ME3: variants seen among roughly 807,000 people sequenced by gnomAD.
The protein encoded by ME3 is NADP-dependent malic enzyme, mitochondrial.
ME3 carries 48 observed loss-of-function variants against 68.9 expected under a neutral mutation model. The ratio of observed to expected loss-of-function variants is 0.70; its 90% CI spans 0.55 to 0.89. The LOEUF (loss-of-function observed/expected upper bound fraction) is 0.89. ME3 is among the 40% of genes least tolerant of loss of function. The pLI, the probability that ME3 is intolerant of heterozygous loss-of-function variation, is 0.00. For missense variants in ME3, 675 were observed against 797.4 expected, an observed-to-expected ratio of 0.85 and a Z score of 1.85; for synonymous variants, 320 against 318.8, an observed-to-expected ratio of 1.00 and a Z score of -0.04.
At chr11:86,496,652 A>C (rs937548493) in intron 6 of ME3, among the ~76,000 whole-genome samples, 13 of 152,216 alleles carry the variant, frequency 8.5e-5, no homozygotes, top group Non-Finnish European at 1.8e-4. Flanking sequence ...TCATCTGCAA[A>C]AATGGGTACC....
chr11:86,450,351 T>G, exon 9 of ME3: 1 of 1,614,132 alleles, frequency 6.2e-7, no homozygotes, highest in Non-Finnish European at 8.5e-7. Flanking sequence ...TTGTTCTTGG[T>G]GATTCGCAGA....
intron 8 of ME3, among the ~76,000 whole-genome samples, chr11:86,454,900 A>G (rs1563682): frequency 0.7 from 106,391 of 152,180 alleles, 37,533 homozygotes; most frequent in South Asian, 0.82. Context: ...AGCTAGCTCT[A>G]GGGTGGGCCT....
In ME3 at chr11:86,462,281, A is replaced by G. The variant is rs1160502180; in HGVS notation, c.919+2810T>C. ...CAGATGAACTGTGTAGCCTAGAAAT[A>G]TCAAAAAAATTAAGAAGTTAGGTAT... On this transcript the variant is annotated intron_variant, in intron 8 of 14. Coordinates refer to ENST00000543262, the Ensembl canonical transcript of ME3. Among the ~76,000 whole-genome samples the G allele has an allele frequency of 8.5e-5, 13 of 152,354 alleles. No homozygotes were observed. The East Asian group carries it at 1.5e-3, about 18-fold the overall frequency.
chr11:86,565,358 C>T (rs1957431995), intron 2 of ME3, among the ~76,000 whole-genome samples: 1 of 152,136 alleles, frequency 6.6e-6, no homozygotes, highest in Non-Finnish European at 1.5e-5. Context: ...ACCATATGAC[C>T]CAGCAAGTCT....
chr11:86,508,530 A>G (rs959216200), intron 5 of ME3, among the ~76,000 whole-genome samples: 1 of 152,216 alleles, frequency 6.6e-6, no homozygotes, highest in Non-Finnish European at 1.5e-5. Context: ...TATATTTAGC[A>G]AGGACTCAAC....
exon 6 of ME3, chr11:86,498,060 C>T (rs1952479768): frequency 2.5e-6 from 4 of 1,613,598 alleles, no homozygotes; most frequent in South Asian, 2.2e-5. Context: ...CACAGGGATG[C>T]CCATGCCGTA....
intron 4 of ME3, among the ~76,000 whole-genome samples, chr11:86,552,291 T>C (rs1328667666): frequency 1.3e-5 from 2 of 152,216 alleles, no homozygotes; most frequent in Non-Finnish European, 2.9e-5. Flanking sequence ...GGCTTCAAAG[T>C]CCGTGCTGCT....
At chr11:86,608,674 G>T (rs1310544022) in intron 2 of ME3, among the ~76,000 whole-genome samples, 1 of 152,128 alleles carries the variant, frequency 6.6e-6, no homozygotes, top group Non-Finnish European at 1.5e-5. Context: ...CTGTTAATTA[G>T]AGCAAAATCT....
At chr11:86,530,324 A>T (rs1470989849) in intron 4 of ME3, among the ~76,000 whole-genome samples, 3 of 152,208 alleles carry the variant, frequency 2.0e-5, no homozygotes, top group Non-Finnish European at 2.9e-5. Flanking sequence ...GAGAACTACA[A>T]ACCACTGCTC....
At chr11:86,444,194 G>C (rs1221480670) in intron 13 of ME3, among the ~76,000 whole-genome samples, 3 of 152,210 alleles carry the variant, frequency 2.0e-5, no homozygotes, top group Non-Finnish European at 4.4e-5. Flanking sequence ...GCTGATACCT[G>C]AAGGACAAAG....
At chr11:86,605,950 C>T in intron 2 of ME3, among the ~76,000 whole-genome samples, 1 of 152,138 alleles carries the variant, frequency 6.6e-6, no homozygotes, top group East Asian at 1.9e-4. Context: ...ATGGGCCTCC[C>T]ACAAGTGCCC....
chr11:86,488,768 CA>C (rs1951836228), intron 6 of ME3, among the ~76,000 whole-genome samples: 1 of 152,146 alleles, frequency 6.6e-6, no homozygotes, highest in Non-Finnish European at 1.5e-5. Context: ...TGTAGAGGAG[CA>C]AGGAATGATT....
At chr11:86,620,241 A>G (rs1943258928) in intron 2 of ME3, among the ~76,000 whole-genome samples, 1 of 152,226 alleles carries the variant, frequency 6.6e-6, no homozygotes, top group Non-Finnish European at 1.5e-5. Flanking sequence ...AATCTTATCA[A>G]TGACTATAAT....
At chr11:86,489,135 A>G (rs1951852156) in intron 6 of ME3, 1 of 152,184 alleles carries the variant, frequency 6.6e-6, no homozygotes, top group Admixed American at 6.5e-5. Context: ...ATAAGTTCCT[A>G]GAGAACAGGA....
intron 7 of ME3, among the ~76,000 whole-genome samples, chr11:86,469,710 TC>T (rs1183166320): frequency 6.6e-6 from 1 of 152,150 alleles, no homozygotes; most frequent in Admixed American, 6.5e-5. Flanking sequence ...AGAGGCACCT[TC>T]CCAAGCCACA....
intron 2 of ME3, among the ~76,000 whole-genome samples, chr11:86,642,531 A>G (rs1490662843): frequency 1.3e-5 from 2 of 152,212 alleles, no homozygotes; most frequent in African/African-American, 4.8e-5. Context: ...AATATTCACA[A>G]TACAATTCTT....
At chr11:86,664,462 T>C (rs1594830566) in intron 2 of ME3, among the ~76,000 whole-genome samples, 1 of 152,230 alleles carries the variant, frequency 6.6e-6, no homozygotes, top group East Asian at 1.9e-4. Flanking sequence ...TTCAATTATT[T>C]ACAACATGCC....
chr11:86,467,312 A>G (rs1050420000), intron 7 of ME3, among the ~76,000 whole-genome samples: 2 of 152,230 alleles, frequency 1.3e-5, no homozygotes, highest in Non-Finnish European at 2.9e-5. Context: ...CTTCACAGTC[A>G]TAGAACAAAT....
chr11:86,507,966 G>A lies in ME3; in HGVS notation c.543+826C>T, dbSNP rs558445737. ...CACTCCAACCTGGACGACAGAGTGA[G>A]ACTCTGTCTCAAAAAAAAAAAAAAA... On this transcript the variant is annotated intron_variant, in intron 5 of 14. Coordinates refer to ENST00000543262, the Ensembl canonical transcript of ME3. 4.2e-5 allele frequency among the ~76,000 whole-genome samples: 5 copies of A among 120,074 alleles called. No individual in the cohort carries two copies. In the East Asian group the frequency reaches 9.4e-4, roughly 23 times the overall value. The allele number at this position is 120,074 out of a possible 152,430, so 78.8% of individuals were successfully genotyped here.
Sources: gnomAD v4.1 joint callset for allele counts (sites outside exome capture counted in the v4.1 genomes callset) on GRCh38, gnomAD v4.1.1 for gene constraint, MANE v1.5 for transcripts, NCBI Gene and HGNC (gene_info 2026-07-23, HGNC 2026-07-21) for gene names.